RIN3: variants seen among roughly 807,000 people sequenced by gnomAD.
RIN3 encodes the protein Ras and Rab interactor 3.
RIN3 carries 54 observed loss-of-function variants against 76.3 expected under a neutral mutation model. That is an observed-to-expected ratio of 0.71 (90% confidence interval 0.57 to 0.89). The LOEUF is 0.89. RIN3 is among the 40% of genes least tolerant of loss of function. RIN3 has a pLI of 0.00. For synonymous variants in RIN3, 576 were observed against 564.0 expected (o/e 1.02, Z -0.30); for missense variants, 1,256 against 1,322.1 (o/e 0.95, Z 0.78).
At chr14:92,683,296 G>A (rs1888734090) in intron 8 of RIN3, among the ~76,000 whole-genome samples, 1 of 152,188 alleles carries the variant, frequency 6.6e-6, no homozygotes, top group African/African-American at 2.4e-5. Flanking sequence ...AGAGACCAGG[G>A]TTTCCAGGGT....
intron 3 of RIN3, among the ~76,000 whole-genome samples, chr14:92,611,619 G>A (rs948130492): frequency 6.6e-6 from 1 of 152,150 alleles, no homozygotes; most frequent in African/African-American, 2.4e-5. Flanking sequence ...GCAGTATGAG[G>A]TCAGCTTGGT....
rs1056368509 is a variant in RIN3, at chr14:92,659,438, C to G, written c.2304C>G (p.Leu768=). 1.2e-6 allele frequency: 2 copies of G among 1,611,556 alleles called. No individual in the cohort carries two copies. Among genetic ancestry groups the G allele is most frequent in the African/African-American group, 2.7e-5 (2 of 74,860 alleles). The part of the protein sequence containing the change: ...KISILLKTCK[L]IYDSMALGNP... ...CCATCCTGCTCAAGACCTGCAAACT[C>G]ATCTACGACTCCATGGCCCTCGGCA... Residue 768 remains leucine, a synonymous_variant, in exon 7 of 10, where the codon CTC becomes CTG. Coordinates refer to ENST00000216487, the MANE Select transcript of RIN3 (RefSeq NM_024832.5).
At chr14:92,545,647 C>G (rs546036628) in intron 1 of RIN3, among the ~76,000 whole-genome samples, 2 of 140,822 alleles carry the variant, frequency 1.4e-5, no homozygotes, top group Admixed American at 1.5e-4. Context: ...GTGGTGCGAT[C>G]AGTGCTCACT....
intron 1 of RIN3, among the ~76,000 whole-genome samples, chr14:92,517,250 G>C (rs1896466890): frequency 6.6e-6 from 1 of 152,186 alleles, no homozygotes; most frequent in South Asian, 2.1e-4. Flanking sequence ...GTGGGGCAGG[G>C]AGTGCACCCT....
At chr14:92,634,496 A>G (rs1351966830) in intron 4 of RIN3, among the ~76,000 whole-genome samples, 1 of 152,166 alleles carries the variant, frequency 6.6e-6, no homozygotes, top group Non-Finnish European at 1.5e-5. Context: ...TATTTTTTTA[A>G]TAGCCCTGAC....
intron 7 of RIN3, among the ~76,000 whole-genome samples, chr14:92,664,696 A>G (rs1410716606): frequency 6.6e-6 from 1 of 152,052 alleles, no homozygotes; most frequent in Non-Finnish European, 1.5e-5. Context: ...CTCTCTCTGC[A>G]TACATAATGT....
chr14:92,596,427 G>T (rs569432458), intron 3 of RIN3, among the ~76,000 whole-genome samples: 2 of 152,306 alleles, frequency 1.3e-5, no homozygotes, highest in East Asian at 3.9e-4. Flanking sequence ...ATGTAACTGG[G>T]ATTAAACCTG....
intron 3 of RIN3, among the ~76,000 whole-genome samples, chr14:92,580,005 G>T (rs941401878): frequency 2.6e-5 from 4 of 152,238 alleles, no homozygotes; most frequent in African/African-American, 9.6e-5. Context: ...AGTAGACTAG[G>T]AAGGGAATGC....
intron 4 of RIN3, among the ~76,000 whole-genome samples, chr14:92,638,589 G>A (rs763970870): frequency 1.1e-4 from 17 of 152,176 alleles, no homozygotes; most frequent in Non-Finnish European, 2.1e-4. Flanking sequence ...AGGAACCATT[G>A]GAAACCCCAC....
At chr14:92,570,321 T>TAC (rs10588548) in intron 2 of RIN3, among the ~76,000 whole-genome samples, 5 of 150,904 alleles carry the variant, frequency 3.3e-5, no homozygotes, top group East Asian at 2.0e-4. Context: ...TCGTGGCAGA[T>TAC]ACACACACAC....
chr14:92,521,591 T>C (rs1051503895), intron 1 of RIN3, among the ~76,000 whole-genome samples: 3 of 152,110 alleles, frequency 2.0e-5, no homozygotes, highest in Non-Finnish European at 4.4e-5. Context: ...TTTCTCGCCA[T>C]GTGACATACC....
intron 3 of RIN3, among the ~76,000 whole-genome samples, chr14:92,605,498 T>A (rs1446684965): frequency 3.3e-5 from 5 of 152,254 alleles, no homozygotes; most frequent in Admixed American, 3.3e-4. Context: ...CCTCGTTCCA[T>A]GCTTTCATAT....
At chr14:92,687,695 G>C in intron 9 of RIN3, 1 of 517,924 alleles carries the variant, frequency 1.9e-6, no homozygotes, top group South Asian at 2.6e-5. Context: ...GGGACTCCGA[G>C]ACGCGCCTTA....
rs748319408 is a variant in RIN3 at position 92,552,534 on chromosome 14, C to G, written c.45-3217C>G. 2.8e-4 allele frequency among the ~76,000 whole-genome samples: 42 copies of G among 152,200 alleles called. No individual in the cohort carries two copies. The South Asian group carries it at 2.9e-3, about 11-fold the overall frequency. On this transcript the variant is annotated intron_variant, in intron 1 of 9. Transcript: ENST00000216487. ...CTCCAGATGCTCATGGGGCCCTCCCCCTACCCCCTCTGCTCTCACCTCCTG... is the reference window on the plus strand; with the variant it reads ...CTCCAGATGCTCATGGGGCCCTCCCGCTACCCCCTCTGCTCTCACCTCCTG...
chr14:92,591,220 G>T (rs1264722450), intron 3 of RIN3, among the ~76,000 whole-genome samples: 1 of 152,140 alleles, frequency 6.6e-6, no homozygotes, highest in Admixed American at 6.5e-5. Flanking sequence ...CTTCTTAATA[G>T]ACTGTACATG....
intron 1 of RIN3, among the ~76,000 whole-genome samples, chr14:92,544,233 A>G (rs1897193637): frequency 6.6e-6 from 1 of 151,944 alleles, no homozygotes; most frequent in Non-Finnish European, 1.5e-5. Context: ...TGTTCACCAC[A>G]CTATGGAATG....
intron 3 of RIN3, among the ~76,000 whole-genome samples, chr14:92,608,103 G>A (rs61682077): frequency 0.031 from 4,763 of 152,222 alleles, 265 homozygotes; most frequent in African/African-American, 0.11. Context: ...GTGACTGTGC[G>A]AAGCTACCTA....
chr14:92,556,617 C>CAT (rs1555383507), intron 2 of RIN3, among the ~76,000 whole-genome samples: 1 of 151,728 alleles, frequency 6.6e-6, no homozygotes, highest in Non-Finnish European at 1.5e-5. Flanking sequence ...GACATACAGA[C>CAT]AGACAACAGA....
chr14:92,661,758 C>CACACACAA (rs373869994), intron 7 of RIN3, among the ~76,000 whole-genome samples: 290 of 133,270 alleles, frequency 2.2e-3, no homozygotes, highest in East Asian at 0.015. Context: ...CACACACACA[C>CACACACAA]AAAAAATAGA....
Sources: allele counts gnomAD v4.1 joint callset (sites outside exome capture counted in the v4.1 genomes callset), GRCh38; gene constraint gnomAD v4.1.1; transcripts MANE v1.5; gene names NCBI Gene and HGNC (gene_info 2026-07-23, HGNC 2026-07-21).